The following MPPED2 variants were observed in gnomAD, a reference collection of about 807,000 sequenced individuals.
MPPED2 encodes metallophosphoesterase domain containing 2, also known as metallophosphoesterase MPPED2.
Under a neutral mutation model 33.0 loss-of-function variants are expected in MPPED2, and 5 were observed. That is an observed-to-expected ratio of 0.15 (90% CI 0.08 to 0.32). The LOEUF is 0.32. Ranked by LOEUF, MPPED2 falls within the 10% of genes least tolerant of loss-of-function variation. The pLI is 1.00. For missense variants in MPPED2, 275 were observed against 372.1 expected (o/e 0.74, Z 2.15); for synonymous variants, 136 against 141.9 (o/e 0.96, Z 0.29).
chr11:30,468,256 A>T lies in MPPED2; in HGVS notation c.536+27040T>A, dbSNP rs375695416. 8.2e-3 allele frequency among the ~76,000 whole-genome samples: 1,170 copies of T among 142,892 alleles called. 8 individuals are homozygous for T. The highest frequency in any genetic ancestry group is 0.024 in the African/African-American group (881 of 36,872). 93.7% of individuals were successfully genotyped at this position (142,892 alleles called of 152,430 possible). Reference sequence around the variant, plus strand: ...CACACACACACACACACACACACACACTCTCTCTCTCTCTCTCTCTCTCTT... The same window carrying T: ...CACACACACACACACACACACACACTCTCTCTCTCTCTCTCTCTCTCTCTT... On this transcript the variant is annotated intron_variant, in intron 4 of 6. Coordinates refer to ENST00000358117, the MANE Select transcript of MPPED2 (RefSeq NM_001584.3).
intron 4 of MPPED2, among the ~76,000 whole-genome samples, 173 bp from the exon 5 acceptor site, chr11:30,417,806 G>A (rs576788089): frequency 1.3e-4 from 20 of 152,154 alleles, no homozygotes; most frequent in Non-Finnish European, 2.6e-4. Flanking sequence ...CAATCCATTT[G>A]AAAGTAAGCG....
chr11:30,584,423 C>G (rs1957357440), intron 1 of MPPED2, among the ~76,000 whole-genome samples: 1 of 151,852 alleles, frequency 6.6e-6, no homozygotes, highest in Non-Finnish European at 1.5e-5. Flanking sequence ...TGGCTCTTCC[C>G]GGCTACAACT....
chr11:30,417,898 C>T (rs1363416810), intron 4 of MPPED2, among the ~76,000 whole-genome samples: 1 of 152,168 alleles, frequency 6.6e-6, no homozygotes, highest in Non-Finnish European at 1.5e-5. Flanking sequence ...CTATCAAAAT[C>T]TTGACAATGC....
intron 4 of MPPED2, among the ~76,000 whole-genome samples, chr11:30,494,390 C>A (rs1432172386): frequency 2.0e-5 from 3 of 151,980 alleles, no homozygotes; most frequent in Non-Finnish European, 2.9e-5. Flanking sequence ...TACAGCCAGC[C>A]CTCCATAATC....
intron 4 of MPPED2, among the ~76,000 whole-genome samples, chr11:30,480,799 G>A (rs1021847108): frequency 2.0e-5 from 3 of 152,076 alleles, no homozygotes; most frequent in Non-Finnish European, 4.4e-5. Flanking sequence ...TTCCAGTGAC[G>A]CTATCCTTTG....
intron 2 of MPPED2, among the ~76,000 whole-genome samples, chr11:30,545,918 A>G (rs1955400130): frequency 1.3e-5 from 2 of 152,178 alleles, no homozygotes; most frequent in South Asian, 2.1e-4. Flanking sequence ...GGTAGAGTGC[A>G]GTGGCACGGT....
At chr11:30,510,504 A>G (rs1291409544) in intron 3 of MPPED2, among the ~76,000 whole-genome samples, 1 of 152,200 alleles carries the variant, frequency 6.6e-6, no homozygotes, top group Non-Finnish European at 1.5e-5. Context: ...TGGTTTCTCA[A>G]GGTTGAGAGC....
intron 4 of MPPED2, among the ~76,000 whole-genome samples, chr11:30,446,018 T>C (rs1949791699): frequency 6.6e-6 from 1 of 152,232 alleles, no homozygotes; most frequent in Non-Finnish European, 1.5e-5. Context: ...CATGTGTACA[T>C]GTGTACGTTC....
intron 3 of MPPED2, among the ~76,000 whole-genome samples, chr11:30,513,602 A>C (rs581048): frequency 0.14 from 21,080 of 152,210 alleles, 2,546 homozygotes; most frequent in African/African-American, 0.33. Context: ...GCCATGAAAC[A>C]TAACAGGTGA....
At chr11:30,509,474 T>G (rs1953024029) in intron 3 of MPPED2, among the ~76,000 whole-genome samples, 1 of 152,192 alleles carries the variant, frequency 6.6e-6, no homozygotes, top group South Asian at 2.1e-4. Flanking sequence ...CTGTATTTCT[T>G]CATTGTATCC....
intron 2 of MPPED2, among the ~76,000 whole-genome samples, chr11:30,554,699 T>A (rs1011628835): frequency 2.0e-5 from 3 of 152,136 alleles, no homozygotes; most frequent in African/African-American, 7.2e-5. Context: ...TTCACTGTGT[T>A]GGCCGGGCTG....
rs60772530 is a variant in MPPED2, at chr11:30,482,505, G to A, written c.536+12791C>T. Among the ~76,000 whole-genome samples, 803 of 152,192 alleles carry A rather than the reference G, an allele frequency of 5.3e-3. 6 individuals carry two copies. The highest frequency in any genetic ancestry group is 0.018 in the African/African-American group (753 of 41,544). On this transcript the variant is annotated intron_variant, in intron 4 of 6. Transcript: ENST00000358117. Reference sequence around the variant, plus strand: ...TTGGGAAACATAATTTTTAAGAATCGAGATGTCTACTTTTTGCATGATTTC... The same window carrying A: ...TTGGGAAACATAATTTTTAAGAATCAAGATGTCTACTTTTTGCATGATTTC...
chr11:30,441,742 T>C (rs1245051870), intron 4 of MPPED2, among the ~76,000 whole-genome samples: 1 of 152,178 alleles, frequency 6.6e-6, no homozygotes, highest in Admixed American at 6.5e-5. Flanking sequence ...CTTGCCCCTT[T>C]TTTTTTGCAT....
chr11:30,514,996 G>A (rs1050698947), intron 3 of MPPED2, among the ~76,000 whole-genome samples: 46 of 152,294 alleles, frequency 3.0e-4, no homozygotes, highest in Admixed American at 2.7e-3. Context: ...TCAGGGGGCT[G>A]AGGCAGGAGA....
At chr11:30,474,710 A>G (rs932161756) in intron 4 of MPPED2, among the ~76,000 whole-genome samples, 3 of 152,078 alleles carry the variant, frequency 2.0e-5, no homozygotes, top group Admixed American at 1.3e-4. Flanking sequence ...CCAGCCAATA[A>G]TAAGAAATAA....
At chr11:30,393,992 G>A (rs534190678) in intron 6 of MPPED2, among the ~76,000 whole-genome samples, 63 of 152,262 alleles carry the variant, frequency 4.1e-4, no homozygotes, top group African/African-American at 1.4e-3. Context: ...GATCAGTATA[G>A]TTTTGTTTTC....
intron 4 of MPPED2, among the ~76,000 whole-genome samples, chr11:30,470,167 G>A (rs185062540): frequency 6.6e-6 from 1 of 152,162 alleles, no homozygotes; most frequent in East Asian, 1.9e-4. Flanking sequence ...CCATCATGAG[G>A]TGGACAGCTG....
chr11:30,578,007 T>C (rs1391667067), intron 2 of MPPED2, among the ~76,000 whole-genome samples: 7 of 151,872 alleles, frequency 4.6e-5, no homozygotes, highest in Non-Finnish European at 1.0e-4. Flanking sequence ...TACAGATAGG[T>C]AGATAGGTAG....
rs199611856 is a variant in MPPED2, at chr11:30,583,134, CTTTTT to C, written c.-121-2645_-121-2641del. On this transcript the variant is annotated intron_variant, in intron 1 of 6. Coordinates refer to ENST00000358117, the MANE Select transcript of MPPED2 (RefSeq NM_001584.3). ...CACAAACACCTGGAAAAGACTTTTTCTTTTTTTTTTTTTTTTTTTTTTTTTTTTTT... is the reference window on the plus strand; with the variant it reads ...CACAAACACCTGGAAAAGACTTTTTCTTTTTTTTTTTTTTTTTTTTTTTTT... Among the ~76,000 whole-genome samples the C allele has an allele frequency of 1.4e-3, 135 of 96,672 alleles. 1 individual carries two copies. Among genetic ancestry groups the C allele is most frequent in the African/African-American group, 2.1e-3 (44 of 20,682 alleles). The allele number at this position is 96,672 out of a possible 152,430, so 63.4% of individuals were successfully genotyped here.
Sources: allele counts gnomAD v4.1 joint callset (sites outside exome capture counted in the v4.1 genomes callset), GRCh38; gene constraint gnomAD v4.1.1; transcripts MANE v1.5; gene names NCBI Gene and HGNC (gene_info 2026-07-23, HGNC 2026-07-21).